The following DNAH6 variants were observed in gnomAD, a reference collection of about 807,000 sequenced individuals.
DNAH6 encodes dynein axonemal heavy chain 6.
A neutral mutation model predicts 491.4 loss-of-function variants in DNAH6; 340 were observed. The ratio of observed to expected loss-of-function variants is 0.69; its 90% CI spans 0.63 to 0.76. The LOEUF is 0.76. Ranked by LOEUF, DNAH6 falls within the 30% of genes least tolerant of loss-of-function variation. DNAH6 has a pLI of 0.00. For synonymous variants in DNAH6, 1,603 were observed against 1,686.1 expected (o/e 0.95, Z 1.21); for missense variants, 4,443 against 4,972.2 (o/e 0.89, Z 3.20).
At chr2:84,778,587 C>T (rs1381663202) in intron 64 of DNAH6, among the ~76,000 whole-genome samples, 1 of 151,824 alleles carries the variant, frequency 6.6e-6, no homozygotes, top group Non-Finnish European at 1.5e-5. Context: ...GCAGCCTCAA[C>T]CTCCCCAGGG....
intron 63 of DNAH6, among the ~76,000 whole-genome samples, chr2:84,753,215 C>G (rs890180931): frequency 2.0e-5 from 3 of 152,036 alleles, no homozygotes; most frequent in African/African-American, 7.3e-5. Context: ...CCATTTTAAA[C>G]TGGATTATTT....
intron 68 of DNAH6, among the ~76,000 whole-genome samples, chr2:84,790,786 T>G (rs1019898728): frequency 6.6e-6 from 1 of 152,246 alleles, no homozygotes; most frequent in African/African-American, 2.4e-5. Flanking sequence ...GGTGGCAATG[T>G]AAAATTGTCC....
At position 84,577,351 on chromosome 2, in the gene DNAH6, C is replaced by T; in HGVS notation, c.2019C>T (p.Leu673=). The T allele has an allele frequency of 2.5e-6, 4 of 1,612,116 alleles. No individual in the cohort carries two copies. Among genetic ancestry groups the T allele is most frequent in the Non-Finnish European group, 2.5e-6 (3 of 1,178,880 alleles). The change falls in exon 13 of 77, where the codon CTC becomes CTT. Residue 673 remains leucine, a synonymous_variant. Coordinates refer to ENST00000389394, the MANE Select transcript of DNAH6 (RefSeq NM_001370.2). ...LRPTRNVGLL[L]IDTRLLREKL... ...CCACCAGAAATGTAGGATTGCTGCT[C>T]ATTGATACTAGGCTTCTAAGAGAAA... is the stretch of plus-strand genomic sequence containing the variant.
At chr2:84,808,590 A>G (rs1316649520) in intron 72 of DNAH6, 48 bp downstream of exon 72, 3 of 1,534,970 alleles carry the variant, frequency 2.0e-6, no homozygotes, top group East Asian at 4.9e-5. Flanking sequence ...AAAGCTTTGT[A>G]GAGAGTTGTA....
At chr2:84,655,142 G>T (rs967540213) in intron 35 of DNAH6, among the ~76,000 whole-genome samples, 1 of 152,060 alleles carries the variant, frequency 6.6e-6, no homozygotes, top group Admixed American at 6.6e-5. Flanking sequence ...ATAAAAGGAA[G>T]CAAAATGAAG....
intron 64 of DNAH6, among the ~76,000 whole-genome samples, chr2:84,768,626 A>G (rs751281821): frequency 6.6e-6 from 1 of 152,184 alleles, no homozygotes; most frequent in Non-Finnish European, 1.5e-5. Context: ...AATATAATAA[A>G]AGATATGCAA....
the DNAH6 span, among the ~76,000 whole-genome samples, chr2:84,481,174 G>A: frequency 6.6e-6 from 1 of 152,154 alleles, no homozygotes; most frequent in Non-Finnish European, 1.5e-5. Flanking sequence ...ATGCCAGGCA[G>A]ATAGCTCCAT....
At chr2:84,798,965 G>A (rs1034961770) in intron 70 of DNAH6, among the ~76,000 whole-genome samples, 7 of 151,680 alleles carry the variant, frequency 4.6e-5, no homozygotes, top group Middle Eastern at 3.2e-3. Flanking sequence ...CAAGGGAGCT[G>A]GTCACTCCTC....
At chr2:84,609,918 G>C (rs537097138) in intron 21 of DNAH6, among the ~76,000 whole-genome samples, 8 of 152,226 alleles carry the variant, frequency 5.3e-5, no homozygotes, top group African/African-American at 1.9e-4. Flanking sequence ...TTATTTTGCT[G>C]TGAAACAAAT....
Position 84,789,326 on chromosome 2 carries a change from T to G in DNAH6, c.11239+2024T>G, listed in dbSNP as rs140062649. On this transcript the variant is annotated intron_variant, in intron 68 of 76. Transcript: ENST00000389394. ...CATTTTACACAATTTTTACTGAAAA[T>G]TAAAGTTGAGCAAACTTTCCACTCC... is the stretch of plus-strand genomic sequence containing the variant. Among the ~76,000 whole-genome samples, 263 of 152,284 alleles carry G rather than the reference T, an allele frequency of 1.7e-3. 1 individual carries two copies. Among genetic ancestry groups the G allele is most frequent in the African/African-American group, 6.1e-3 (253 of 41,562 alleles).
At chr2:84,634,779 C>T (rs938256596) in intron 30 of DNAH6, 138 bp downstream of exon 30, 3 of 1,027,364 alleles carry the variant, frequency 2.9e-6, no homozygotes, top group Non-Finnish European at 3.9e-6. Context: ...CTTGGCTCTC[C>T]AGAGCTCACT....
rs1375620873 is a variant in DNAH6, at chr2:84,611,682, G to A, written c.3303G>A (p.Trp1101Ter). The change falls in exon 22 of 77, where the codon TGG (tryptophan) becomes TGA (stop). Residue 1101 changes from tryptophan to a stop codon, truncating the protein, a stop_gained. Transcript: ENST00000389394. LOFTEE classifies it high-confidence loss of function. ...CCATATTTTTCTCCTAGGAAGAGTG[G>A]CTGACCTGCCAGAGAAACTGGCTCT... ...LALFNQTLEE[W>*]LTCQRNWLYL... The A allele has an allele frequency of 6.5e-7, 1 of 1,550,212 alleles. No individual in the cohort carries two copies. The highest frequency in any genetic ancestry group is 1.4e-5 in the African/African-American group (1 of 72,936).
chr2:84,533,664 T>C (rs1573527760), intron 4 of DNAH6, among the ~76,000 whole-genome samples: 3 of 152,134 alleles, frequency 2.0e-5, no homozygotes, highest in Non-Finnish European at 4.4e-5. Context: ...CTCAAAAACC[T>C]GAGGAGATAA....
intron 57 of DNAH6, among the ~76,000 whole-genome samples, chr2:84,714,413 T>G (rs1697332930): frequency 6.6e-6 from 1 of 152,138 alleles, no homozygotes; most frequent in African/African-American, 2.4e-5. Flanking sequence ...AAGTCCCATT[T>G]CAGAGTTTAG....
chr2:84,621,311 G>A lies in DNAH6; in HGVS notation c.3913G>A (p.Gly1305Arg), dbSNP rs1302970093. The change falls in exon 25 of 77, where the codon GGG (glycine) becomes AGG (arginine). Residue 1305 changes from glycine to arginine, a missense_variant. Coordinates refer to ENST00000389394, the MANE Select transcript of DNAH6 (RefSeq NM_001370.2). ...LCKAAIADYQ[G>R]KLRTDWVVAG... ...CAAAGCTGCCATCGCTGACTATCAG[G>A]GGAAACTGAGGACAGACTGGGTGGT... 4 of 1,551,460 alleles carry A rather than the reference G, an allele frequency of 2.6e-6. No individual in the cohort carries two copies. Among genetic ancestry groups the A allele is most frequent in the Admixed American group, 2.0e-5 (1 of 50,970 alleles).
chr2:84,536,190 T>C (rs1012320049), intron 4 of DNAH6, among the ~76,000 whole-genome samples: 4 of 152,060 alleles, frequency 2.6e-5, no homozygotes, highest in Admixed American at 1.3e-4. Context: ...GTTAAGTGCA[T>C]TGGCAATCCA....
At chr2:84,687,581 A>T (rs1694396515) in intron 44 of DNAH6, among the ~76,000 whole-genome samples, 1 of 152,170 alleles carries the variant, frequency 6.6e-6, no homozygotes, top group Admixed American at 6.5e-5. Context: ...GTTTTCAAAG[A>T]TTATTTTCCT....
chr2:84,658,517 A>G, intron 36 of DNAH6, 43 bp downstream of exon 36: 1 of 1,307,634 alleles, frequency 7.6e-7, no homozygotes. Context: ...GAAAAATTAG[A>G]TTATTGTATA....
the DNAH6 span, among the ~76,000 whole-genome samples, chr2:84,466,073 G>T: frequency 1.3e-5 from 2 of 152,170 alleles, no homozygotes; most frequent in East Asian, 3.8e-4. Context: ...CTATGAGTTG[G>T]GTAAATTTCT....
Sources: allele counts gnomAD v4.1 joint callset (sites outside exome capture counted in the v4.1 genomes callset), GRCh38; gene constraint gnomAD v4.1.1; transcripts MANE v1.5; gene names NCBI Gene and HGNC (gene_info 2026-07-23, HGNC 2026-07-21).